PIP4K2A: variants seen among roughly 807,000 people sequenced by gnomAD.
PIP4K2A encodes the protein phosphatidylinositol-5-phosphate 4-kinase type 2 alpha.
In PIP4K2A, 14 loss-of-function variants were observed where a neutral mutation model predicts 42.9. That is an observed-to-expected ratio of 0.33 (90% confidence interval 0.22 to 0.51). The LOEUF (loss-of-function observed/expected upper bound fraction) is 0.51, where lower values mean the gene tolerates loss of function less well. Among genes scored for constraint, PIP4K2A ranks in the 20% least tolerant of loss-of-function variants. PIP4K2A has a pLI of 0.97. For synonymous variants in PIP4K2A, 192 were observed against 192.2 expected, an observed-to-expected ratio of 1.00 and a Z score of 0.01; for missense variants, 434 against 519.8, an observed-to-expected ratio of 0.83 and a Z score of 1.61.
intron 1 of PIP4K2A, among the ~76,000 whole-genome samples, chr10:22,665,404 T>C (rs1331322571): frequency 6.6e-6 from 1 of 152,140 alleles, no homozygotes; most frequent in African/African-American, 2.4e-5. Flanking sequence ...CGCACTATAA[T>C]TTATTTAGCT....
intron 1 of PIP4K2A, among the ~76,000 whole-genome samples, chr10:22,704,929 T>C (rs898603944): frequency 1.3e-5 from 2 of 152,176 alleles, no homozygotes; most frequent in Non-Finnish European, 2.9e-5. Context: ...AATTGCCATA[T>C]ATAGCTAGCA....
chr10:22,645,228 A>C (rs918880091), intron 1 of PIP4K2A, among the ~76,000 whole-genome samples: 1 of 152,206 alleles, frequency 6.6e-6, no homozygotes, highest in Admixed American at 6.5e-5. Flanking sequence ...GTATAACACC[A>C]CTAGTGTGTC....
intron 7 of PIP4K2A, among the ~76,000 whole-genome samples, chr10:22,542,857 C>T (rs1055431712): frequency 3.9e-5 from 6 of 152,220 alleles, no homozygotes; most frequent in South Asian, 4.1e-4. Context: ...AGCCCATCTG[C>T]GGGCTGGACC....
At chr10:22,585,331 G>T (rs2130813051) in intron 4 of PIP4K2A, among the ~76,000 whole-genome samples, 1 of 152,142 alleles carries the variant, frequency 6.6e-6, no homozygotes, top group South Asian at 2.1e-4. Flanking sequence ...TTCAGATTTT[G>T]GGGCAAAACT....
At chr10:22,574,904 T>C (rs1312472215) in intron 4 of PIP4K2A, among the ~76,000 whole-genome samples, 2 of 152,246 alleles carry the variant, frequency 1.3e-5, no homozygotes, top group Admixed American at 6.5e-5. Context: ...TTGGCCTCTG[T>C]AGAAAGGTGG....
chr10:22,605,297 C>G (rs1052952139), intron 3 of PIP4K2A, among the ~76,000 whole-genome samples: 11 of 152,050 alleles, frequency 7.2e-5, no homozygotes, highest in Non-Finnish European at 1.5e-4. Context: ...TCACACCACT[C>G]TCCCCAACAG....
intron 1 of PIP4K2A, among the ~76,000 whole-genome samples, chr10:22,710,724 A>G (rs1417182789): frequency 1.3e-5 from 2 of 152,196 alleles, no homozygotes; most frequent in African/African-American, 4.8e-5. Flanking sequence ...GCCAAAGCTC[A>G]TTTCAACTTC....
chr10:22,627,591 TAAAAAAAAAAAA>T (rs57671642), intron 1 of PIP4K2A, among the ~76,000 whole-genome samples: 121 of 57,024 alleles, frequency 2.1e-3, no homozygotes, highest in East Asian at 4.8e-3. Context: ...TAATATGTAA[TAAAAAAAAAAAA>T]AAAAAAAAAA....
chr10:22,573,267 G>C lies in PIP4K2A; in HGVS notation c.639+44C>G, dbSNP rs747015776. 9 of 1,558,824 alleles carry C rather than the reference G, an allele frequency of 5.8e-6. No individual in the cohort carries two copies. The Admixed American group carries it at 1.0e-4, about 17-fold the overall frequency. ...ATGACAACATTTACAATGTAGAAGA[G>C]TAAGCTTGAGTTACTTTACAAAAAT... On this transcript the variant is annotated intron_variant, in intron 5 of 9. Coordinates refer to ENST00000376573, the MANE Select transcript of PIP4K2A (RefSeq NM_005028.5).
At chr10:22,650,960 C>T (rs556947676) in intron 1 of PIP4K2A, among the ~76,000 whole-genome samples, 6 of 152,278 alleles carry the variant, frequency 3.9e-5, no homozygotes, top group East Asian at 3.9e-4. Flanking sequence ...GGTTCACCAC[C>T]GGACTTTAAA....
chr10:22,687,494 T>C (rs746862090), intron 1 of PIP4K2A, among the ~76,000 whole-genome samples: 1 of 151,964 alleles, frequency 6.6e-6, no homozygotes, highest in Non-Finnish European at 1.5e-5. Context: ...TAAAACTGTA[T>C]TGGGGATTTT....
At chr10:22,589,301 T>C (rs1166282379) in intron 4 of PIP4K2A, among the ~76,000 whole-genome samples, 1 of 152,160 alleles carries the variant, frequency 6.6e-6, no homozygotes, top group Non-Finnish European at 1.5e-5. Flanking sequence ...GTTTAAAAGG[T>C]GAAGAGTTCA....
chr10:22,546,779 G>A (rs750118117), intron 7 of PIP4K2A, among the ~76,000 whole-genome samples: 36 of 152,262 alleles, frequency 2.4e-4, no homozygotes, highest in South Asian at 1.0e-3. Flanking sequence ...GAGATTTTTC[G>A]TGGGCTGGAA....
At chr10:22,618,792 C>G (rs557431579) in intron 1 of PIP4K2A, among the ~76,000 whole-genome samples, 1 of 152,284 alleles carries the variant, frequency 6.6e-6, no homozygotes, top group East Asian at 1.9e-4. Flanking sequence ...CAGAATTACC[C>G]ACATTAGGTG....
At chr10:22,586,360 G>C (rs546091857) in intron 4 of PIP4K2A, among the ~76,000 whole-genome samples, 27 of 152,270 alleles carry the variant, frequency 1.8e-4, no homozygotes, top group African/African-American at 5.1e-4. Context: ...CACGGCTGAA[G>C]TCTTCGTAAT....
intron 1 of PIP4K2A, among the ~76,000 whole-genome samples, chr10:22,619,920 T>A (rs958596151): frequency 1.3e-5 from 2 of 152,132 alleles, no homozygotes; most frequent in African/African-American, 4.8e-5. Context: ...CAAAGGTGAG[T>A]AGGAATGAGA....
At chr10:22,557,701 A>G (rs1370274309) in intron 6 of PIP4K2A, among the ~76,000 whole-genome samples, 1 of 152,252 alleles carries the variant, frequency 6.6e-6, no homozygotes, top group African/African-American at 2.4e-5. Flanking sequence ...GAAACATTAA[A>G]CAGAATTCAA....
At chr10:22,646,785 CT>C (rs1197920388) in intron 1 of PIP4K2A, among the ~76,000 whole-genome samples, 1 of 152,130 alleles carries the variant, frequency 6.6e-6, no homozygotes, top group Non-Finnish European at 1.5e-5. Context: ...TCAGGACTGT[CT>C]TAAAGACAAA....
At chr10:22,653,997 A>C (rs1489205301) in intron 1 of PIP4K2A, among the ~76,000 whole-genome samples, 1 of 152,186 alleles carries the variant, frequency 6.6e-6, no homozygotes, top group African/African-American at 2.4e-5. Context: ...TGAAGTGCCC[A>C]AGCATTTTAT....
Sources: gnomAD v4.1 joint callset for allele counts (sites outside exome capture counted in the v4.1 genomes callset) on GRCh38, gnomAD v4.1.1 for gene constraint, MANE v1.5 for transcripts, NCBI Gene and HGNC (gene_info 2026-07-23, HGNC 2026-07-21) for gene names.